Variants in FOXN1 observed in about 807,000 individuals in gnomAD.
FOXN1 encodes the protein forkhead box N1, also known as forkhead box protein N1.
A neutral mutation model predicts 49.0 loss-of-function variants in FOXN1; 15 were observed. The ratio of observed to expected loss-of-function variants is 0.31; its 90% confidence interval spans 0.20 to 0.47. The LOEUF (loss-of-function observed/expected upper bound fraction) is 0.47, where lower values mean the gene tolerates loss of function less well. Ranked by LOEUF, FOXN1 falls within the 20% of genes least tolerant of loss-of-function variation. FOXN1 has a pLI of 1.00. For missense variants in FOXN1, 800 were observed against 842.8 expected, an observed-to-expected ratio of 0.95 and a Z score of 0.63; for synonymous variants, 356 against 369.0, an observed-to-expected ratio of 0.96 and a Z score of 0.40.
intron 5 of FOXN1, among the ~76,000 whole-genome samples, chr17:28,529,997 C>G (rs1208151778): frequency 6.7e-6 from 1 of 148,562 alleles, no homozygotes; most frequent in Non-Finnish European, 1.5e-5. Context: ...CTCTCTGAGC[C>G]TCTATTTATT....
chr17:28,525,197 C>T (rs2151487940), intron 3 of FOXN1, among the ~76,000 whole-genome samples: 1 of 152,310 alleles, frequency 6.6e-6, no homozygotes, highest in Admixed American at 6.5e-5. Context: ...GGCAGCTTCC[C>T]AGAGGCTCCT....
intron 8 of FOXN1, 111 bp downstream of exon 8, chr17:28,535,309 C>G (rs1831083574): frequency 8.3e-7 from 1 of 1,209,108 alleles, no homozygotes; most frequent in African/African-American, 1.5e-5. Context: ...GGCTGGGTTT[C>G]TGGTCAACTG....
intron 1 of FOXN1, among the ~76,000 whole-genome samples, chr17:28,521,403 C>T (rs1465072311): frequency 6.6e-6 from 1 of 152,210 alleles, no homozygotes; most frequent in Non-Finnish European, 1.5e-5. Context: ...TGCACCACCT[C>T]CTGAGAAGGC....
chr17:28,523,552 G>T (rs976563985), intron 1 of FOXN1, among the ~76,000 whole-genome samples: 22 of 152,136 alleles, frequency 1.4e-4, no homozygotes, highest in Admixed American at 9.8e-4. Flanking sequence ...ACCTGCTGTG[G>T]TCACCTTGCC....
rs62640040 is a variant in FOXN1, at chr17:28,524,925, C to G, written c.546C>G (p.Asn182Lys). The G allele has an allele frequency of 6.2e-7, 1 of 1,612,666 alleles. No individual in the cohort carries two copies. The highest frequency in any genetic ancestry group is 1.1e-5 in the South Asian group (1 of 91,036). The change falls in exon 3 of 9, where the codon AAC (asparagine) becomes AAG (lysine). Residue 182 changes from asparagine to lysine, a missense_variant. Physicochemically the swap from Asn to Lys is moderately conservative, Grantham distance 94. Transcript: ENST00000579795. ...GCTTCTCAGCAGAGGCCTGGTGTAA[C>G]GGGCTCCCCTACCCCAGCCAGGAGC... is the stretch of plus-strand genomic sequence containing the variant. ...LPGFSAEAWCNGLPYPSQEHG... is the reference protein window; with the variant it reads ...LPGFSAEAWCKGLPYPSQEHG...
At chr17:28,507,529 G>C (rs534255502) in intron 1 of FOXN1, among the ~76,000 whole-genome samples, 3 of 152,132 alleles carry the variant, frequency 2.0e-5, no homozygotes, top group African/African-American at 7.2e-5. Context: ...TGCCCACATC[G>C]GGCAGGGCTG....
At chr17:28,533,462 G>T (rs1276045549) in intron 6 of FOXN1, among the ~76,000 whole-genome samples, 1 of 148,836 alleles carries the variant, frequency 6.7e-6, no homozygotes, top group Admixed American at 6.8e-5. Flanking sequence ...CTCCTAATGG[G>T]TGTTTATTCT....
At position 28,524,476 on chromosome 17, in the gene FOXN1, C is replaced by G. The variant is rs1247163706; in HGVS notation, c.124-27C>G. 3 of 1,599,876 alleles carry G rather than the reference C, an allele frequency of 1.9e-6. No homozygotes were observed. The African/African-American group carries it at 4.0e-5, about 21-fold the overall frequency. On this transcript the variant is annotated intron_variant, in intron 2 of 8. Transcript: ENST00000579795. ...CCAGGCCTGGTTCAGCCTCCACTCA[C>G]AGGCTCGCTACTCTCTGTCTACCCA...
intron 4 of FOXN1, among the ~76,000 whole-genome samples, chr17:28,528,510 C>A (rs1293901242): frequency 1.6e-4 from 24 of 152,164 alleles, no homozygotes; most frequent in Non-Finnish European, 3.5e-4. Flanking sequence ...CTTGGGTAAC[C>A]TGGAAAGAGC....
intron 6 of FOXN1, among the ~76,000 whole-genome samples, chr17:28,533,650 C>A (rs1160990164): frequency 6.6e-6 from 1 of 152,196 alleles, no homozygotes; most frequent in Non-Finnish European, 1.5e-5. Context: ...AATTCATGGA[C>A]CCATGAAGGA....
intron 1 of FOXN1, among the ~76,000 whole-genome samples, chr17:28,508,074 G>C (rs911384155): frequency 6.7e-6 from 1 of 150,078 alleles, no homozygotes; most frequent in Non-Finnish European, 1.5e-5. Context: ...AGGGCCTGCC[G>C]AGGCACGCTG....
chr17:28,510,689 C>T (rs1212041507), intron 1 of FOXN1, among the ~76,000 whole-genome samples: 1 of 152,136 alleles, frequency 6.6e-6, no homozygotes, highest in Non-Finnish European at 1.5e-5. Context: ...AGAGTGACCA[C>T]AGCAGTCTTC....
chr17:28,525,260 C>T (rs1047693062), intron 3 of FOXN1, among the ~76,000 whole-genome samples: 1 of 151,318 alleles, frequency 6.6e-6, no homozygotes, highest in African/African-American at 2.4e-5. Flanking sequence ...TGTCCAGAAA[C>T]TCCAGCCAGA....
chr17:28,527,505 C>T (rs1394637816), intron 4 of FOXN1, 144 bp downstream of exon 4: 14 of 681,330 alleles, frequency 2.1e-5, no homozygotes, highest in Non-Finnish European at 3.5e-5. Flanking sequence ...TAGGCTTGGC[C>T]ACAGCAGGTG....
chr17:28,526,920 G>A (rs1301418592), intron 3 of FOXN1, among the ~76,000 whole-genome samples: 3 of 152,114 alleles, frequency 2.0e-5, no homozygotes, highest in African/African-American at 7.2e-5. Flanking sequence ...CGTGTCGAGT[G>A]AGGTCAGCAC....
In FOXN1 at chr17:28,523,943, G is replaced by C; in HGVS notation, c.-14-13G>C. 1 of 1,613,062 alleles carries C rather than the reference G, an allele frequency of 6.2e-7. No homozygotes were observed. Among genetic ancestry groups the C allele is most frequent in the Non-Finnish European group, 8.5e-7 (1 of 1,179,882 alleles). On this transcript the variant is annotated splice_polypyrimidine_tract_variant and intron_variant, in intron 1 of 8. Transcript: ENST00000579795. The stretch of plus-strand genomic sequence containing the variant: ...GCTGGTCCTCACTCTCATGGCAGAC[G>C]GCTTTCTTTGAGGCCAGGACTGGGT...
intron 1 of FOXN1, among the ~76,000 whole-genome samples, chr17:28,512,342 GA>G (rs1422528867): frequency 6.6e-5 from 10 of 152,190 alleles, no homozygotes; most frequent in Non-Finnish European, 1.5e-4. Context: ...CTGCCCCCTG[GA>G]AGGATCAAGC....
rs2070106470 is a variant in FOXN1 at position 28,537,702 on chromosome 17, G to A, written c.*266G>A. ...CGTCTGGGCAAGAGGAAAATGCCCTGTCCCTAGCTCACACTCATCCACACT... is the reference window on the plus strand; with the variant it reads ...CGTCTGGGCAAGAGGAAAATGCCCTATCCCTAGCTCACACTCATCCACACT... On this transcript the variant is annotated 3_prime_UTR_variant, in exon 9 of 9. Coordinates refer to ENST00000579795, the MANE Select transcript of FOXN1 (RefSeq NM_001369369.1). 1.7e-6 allele frequency: 1 copy of A among 580,236 alleles called. No homozygotes were observed. The highest frequency in any genetic ancestry group is 1.9e-5 in the South Asian group (1 of 51,396). 35.9% of individuals were successfully genotyped at this position (580,236 alleles called of 1,614,324 possible).
intron 6 of FOXN1, among the ~76,000 whole-genome samples, chr17:28,533,896 T>C (rs2069981845): frequency 6.6e-6 from 1 of 152,118 alleles, no homozygotes; most frequent in South Asian, 2.1e-4. Flanking sequence ...AATTCCCCTG[T>C]CTAAAGCCAG....
Sources: gnomAD v4.1 joint callset for allele counts (sites outside exome capture counted in the v4.1 genomes callset) on GRCh38, gnomAD v4.1.1 for gene constraint, MANE v1.5 for transcripts, NCBI Gene and HGNC (gene_info 2026-07-23, HGNC 2026-07-21) for gene names.